TTC28: variants seen among roughly 807,000 people sequenced by gnomAD.
TTC28 encodes tetratricopeptide repeat protein 28.
A neutral mutation model predicts 198.0 loss-of-function variants in TTC28; 61 were observed. The ratio of observed to expected loss-of-function variants is 0.31; its 90% confidence interval spans 0.25 to 0.38. TTC28 has a LOEUF of 0.38. Among genes scored for constraint, TTC28 ranks in the 10% least tolerant of loss-of-function variants. The pLI is 1.00. For missense variants in TTC28, 2,678 were observed against 3,164.0 expected, an observed-to-expected ratio of 0.85 and a Z score of 3.69; for synonymous variants, 1,171 against 1,297.8, an observed-to-expected ratio of 0.90 and a Z score of 2.10.
intron 2 of TTC28, among the ~76,000 whole-genome samples, chr22:28,492,308 G>A (rs1297864701): frequency 6.6e-6 from 1 of 151,962 alleles, no homozygotes; most frequent in Non-Finnish European, 1.5e-5. Context: ...ACAAAAAAAA[G>A]AGAAAGAAAA....
chr22:28,096,294 G>A lies in TTC28; in HGVS notation c.3662C>T (p.Thr1221Ile). ...QQDSDPYSPVTIDQILEMVNG... is the reference protein window; with the variant it reads ...QQDSDPYSPVIIDQILEMVNG... ...TACCATCTCTAAGATCTGATCAATA[G>A]TGACTGGGGAGTAGGGGTCGGAGTC... is the stretch of plus-strand genomic sequence containing the variant. Residue 1221 changes from threonine to isoleucine, a missense_variant, in exon 11 of 23, where the codon ACT becomes ATT. Thr to Ile is a moderately conservative substitution (Grantham distance 89, BLOSUM62 -1). Coordinates refer to ENST00000397906, the MANE Select transcript of TTC28 (RefSeq NM_001145418.2). The A allele has an allele frequency of 6.4e-7, 1 of 1,551,926 alleles. No individual in the cohort carries two copies. The highest frequency in any genetic ancestry group is 8.7e-7 in the Non-Finnish European group (1 of 1,147,034).
intron 2 of TTC28, among the ~76,000 whole-genome samples, chr22:28,498,240 A>C (rs1170032832): frequency 6.6e-6 from 1 of 152,184 alleles, no homozygotes; most frequent in East Asian, 1.9e-4. Flanking sequence ...TAATAAAACA[A>C]CGAACAGATC....
rs80355931 is a variant in TTC28 at position 28,576,441 on chromosome 22, T to G, written c.381+53111A>C. On this transcript the variant is annotated intron_variant, in intron 2 of 22. Transcript: ENST00000397906. ...CATCAGGGGTGTGACTCTGTAGGGT[T>G]TGTTTGTTTGTTTTATGAACCTTTA... 3.0e-3 allele frequency among the ~76,000 whole-genome samples: 460 copies of G among 152,172 alleles called. 4 individuals are homozygous for G. The highest frequency in any genetic ancestry group is 0.011 in the African/African-American group (439 of 41,542).
At chr22:28,420,484 T>C (rs1420214210) in intron 2 of TTC28, among the ~76,000 whole-genome samples, 2 of 151,734 alleles carry the variant, frequency 1.3e-5, no homozygotes, top group Non-Finnish European at 2.9e-5. Flanking sequence ...TTTAACTCTT[T>C]GACCTTTTGT....
chr22:28,034,893 C>T (rs997073480), intron 12 of TTC28, among the ~76,000 whole-genome samples: 2 of 152,046 alleles, frequency 1.3e-5, no homozygotes, highest in Non-Finnish European at 2.9e-5. Context: ...TAAATCATGC[C>T]GTCACCAGAG....
intron 2 of TTC28, among the ~76,000 whole-genome samples, chr22:28,508,022 G>A (rs1392139585): frequency 2.0e-5 from 3 of 152,130 alleles, no homozygotes; most frequent in African/African-American, 7.2e-5. Flanking sequence ...TAACCAGCTA[G>A]CATCATGATG....
chr22:28,159,624 A>T (rs1490745644), intron 6 of TTC28, among the ~76,000 whole-genome samples: 1 of 149,838 alleles, frequency 6.7e-6, no homozygotes, highest in African/African-American at 2.5e-5. Flanking sequence ...ATGCCACTGC[A>T]TTCCAGCCTG....
chr22:28,428,125 C>CA (rs374249842), intron 2 of TTC28, among the ~76,000 whole-genome samples: 6,105 of 99,846 alleles, frequency 0.061, 173 homozygotes, highest in African/African-American at 0.11. Context: ...TACCGTAAGA[C>CA]AAAAAAAAAA....
intron 2 of TTC28, among the ~76,000 whole-genome samples, chr22:28,518,423 C>T (rs1217124420): frequency 6.6e-6 from 1 of 152,090 alleles, no homozygotes; most frequent in Non-Finnish European, 1.5e-5. Context: ...CAAGAACAGC[C>T]TGGGCAACAT....
intron 2 of TTC28, among the ~76,000 whole-genome samples, chr22:28,595,387 C>A (rs1382068503): frequency 6.6e-6 from 1 of 152,204 alleles, no homozygotes; most frequent in Non-Finnish European, 1.5e-5. Context: ...AATACATTAA[C>A]TCATCTCTAA....
intron 2 of TTC28, among the ~76,000 whole-genome samples, chr22:28,327,727 G>A (rs2145865175): frequency 6.6e-6 from 1 of 152,330 alleles, no homozygotes; most frequent in African/African-American, 2.4e-5. Flanking sequence ...CCAGTGAAGT[G>A]GCAAATGTGT....
intron 2 of TTC28, among the ~76,000 whole-genome samples, chr22:28,316,475 CA>C (rs2045354126): frequency 6.6e-6 from 1 of 152,128 alleles, no homozygotes; most frequent in East Asian, 1.9e-4. Flanking sequence ...TCTATATGTA[CA>C]AAATATCTTG....
chr22:28,104,107 A>C (rs1942231574), intron 8 of TTC28, among the ~76,000 whole-genome samples: 1 of 151,304 alleles, frequency 6.6e-6, no homozygotes, highest in South Asian at 2.1e-4. Context: ...CTCTTTACCC[A>C]CTCTCCTCTT....
intron 2 of TTC28, among the ~76,000 whole-genome samples, chr22:28,399,381 G>A (rs2046868688): frequency 6.9e-6 from 1 of 144,242 alleles, no homozygotes; most frequent in Non-Finnish European, 1.5e-5. Context: ...CAGTGGCACA[G>A]TCATAGCTCG....
chr22:28,579,082 A>C (rs1450089350), intron 2 of TTC28, among the ~76,000 whole-genome samples: 14 of 151,726 alleles, frequency 9.2e-5, no homozygotes, highest in Admixed American at 9.2e-4. Context: ...ATAGCTATAC[A>C]TACATACATA....
chr22:28,411,808 G>A (rs1048621737), intron 2 of TTC28, among the ~76,000 whole-genome samples: 1 of 152,078 alleles, frequency 6.6e-6, no homozygotes, highest in African/African-American at 2.4e-5. Flanking sequence ...AGAGATATGA[G>A]AAACAACCAA....
intron 12 of TTC28, among the ~76,000 whole-genome samples, chr22:28,043,141 G>A (rs1348691076): frequency 1.3e-5 from 2 of 148,372 alleles, no homozygotes; most frequent in East Asian, 2.0e-4. Context: ...CTACTCGGGA[G>A]GCTGAGGCAG....
rs548985616 is a variant in TTC28 at position 28,472,716 on chromosome 22, GA to G, written c.381+156835del. On this transcript the variant is annotated intron_variant, in intron 2 of 22. Coordinates refer to ENST00000397906, the MANE Select transcript of TTC28 (RefSeq NM_001145418.2). ...AAACATTCCTAAAAAAGGGAACAGAGAAAACAGGGAGGAAATGATCAAAGAA... is the reference window on the plus strand; with the variant it reads ...AAACATTCCTAAAAAAGGGAACAGAGAAACAGGGAGGAAATGATCAAAGAA... 3.3e-5 allele frequency among the ~76,000 whole-genome samples: 5 copies of G among 152,004 alleles called. No homozygotes were observed. In the South Asian group the frequency reaches 1.0e-3, roughly 32 times the overall value.
intron 2 of TTC28, among the ~76,000 whole-genome samples, chr22:28,371,571 T>C (rs1427039068): frequency 2.7e-5 from 2 of 75,414 alleles, no homozygotes; most frequent in African/African-American, 5.4e-5. Context: ...TGGCAAAACC[T>C]CATCTTAACC....
Sources: allele counts gnomAD v4.1 joint callset (sites outside exome capture counted in the v4.1 genomes callset), GRCh38; gene constraint gnomAD v4.1.1; transcripts MANE v1.5; gene names NCBI Gene and HGNC (gene_info 2026-07-23, HGNC 2026-07-21).